The following CEP43 variants were observed in gnomAD, a reference collection of about 807,000 sequenced individuals.
CEP43 encodes centrosomal protein 43, also known as FGFR1 oncogene partner.
A neutral mutation model predicts 52.6 loss-of-function variants in CEP43; 36 were observed. That is an observed-to-expected ratio of 0.68 (90% CI 0.52 to 0.90). CEP43 has a LOEUF of 0.90. Ranked by LOEUF, CEP43 falls within the 40% of genes least tolerant of loss-of-function variation. The probability of loss-of-function intolerance (pLI) is 0.00; values close to 1 mark genes in which losing one functional copy is unlikely to be tolerated. For missense variants in CEP43, 506 were observed against 472.8 expected (o/e 1.07, Z -0.65); for synonymous variants, 192 against 172.4 (o/e 1.11, Z -0.89).
At chr6:167,007,064 A>G (rs1381459581) in intron 5 of CEP43, among the ~76,000 whole-genome samples, 1 of 152,174 alleles carries the variant, frequency 6.6e-6, no homozygotes, top group East Asian at 1.9e-4. Context: ...GTTTCATCCC[A>G]AGGAGCCACC....
intron 12 of CEP43, among the ~76,000 whole-genome samples, chr6:167,038,500 T>G (rs1323242297): frequency 6.6e-6 from 1 of 152,262 alleles, no homozygotes; most frequent in African/African-American, 2.4e-5. Context: ...TAGCAATTCA[T>G]AGAGTGATAC....
chr6:167,040,166 T>C lies in CEP43; in HGVS notation c.*188T>C. 12 of 1,534,486 alleles carry C rather than the reference T, an allele frequency of 7.8e-6. No homozygotes were observed. Among genetic ancestry groups the C allele is most frequent in the African/African-American group, 1.4e-5 (1 of 72,976 alleles). ...ACAAAATACTTCCTATTTGAGCCCA[T>C]GTGTGGAAGATTTAATATTCTTAAT... On this transcript the variant is annotated 3_prime_UTR_variant, in exon 13 of 13. Coordinates refer to ENST00000366847, the MANE Select transcript of CEP43 (RefSeq NM_007045.4).
rs1219044957 is a variant in CEP43 at position 166,999,729 on chromosome 6, G to A, written c.102+215G>A. ...GGTCCCGGAGGGCACCGCGGACTGG[G>A]GGTGCCTGGCCCATCCCCTGCCTCA... On this transcript the variant is annotated intron_variant, in intron 1 of 12. Coordinates refer to ENST00000366847, the MANE Select transcript of CEP43 (RefSeq NM_007045.4). 1.0e-5 allele frequency: 5 copies of A among 488,062 alleles called. No individual in the cohort carries two copies. In the Admixed American group the frequency reaches 2.1e-4, roughly 20 times the overall value. 30.2% of individuals were successfully genotyped at this position (488,062 alleles called of 1,614,324 possible).
rs1780716926 is a variant in CEP43, at chr6:167,042,313, T to C, written c.*2335T>C. On this transcript the variant is annotated 3_prime_UTR_variant, in exon 13 of 13. Coordinates refer to ENST00000366847, the MANE Select transcript of CEP43 (RefSeq NM_007045.4). The stretch of plus-strand genomic sequence containing the variant: ...AAATATTAACCCATTAAATACATTT[T>C]TATGGTAACCTATGTTTTACAGTGG... 1.0e-6 allele frequency: 1 copy of C among 994,862 alleles called. No individual in the cohort carries two copies. Among genetic ancestry groups the C allele is most frequent in the East Asian group, 7.4e-5 (1 of 13,492 alleles). The allele number at this position is 994,862 out of a possible 1,614,324, so 61.6% of individuals were successfully genotyped here.
At chr6:167,037,868 C>G (rs1780614701) in intron 12 of CEP43, among the ~76,000 whole-genome samples, 1 of 152,162 alleles carries the variant, frequency 6.6e-6, no homozygotes, top group Non-Finnish European at 1.5e-5. Context: ...CTCCACCTTG[C>G]CATTGCATGG....
intron 10 of CEP43, among the ~76,000 whole-genome samples, chr6:167,030,810 T>G (rs1278606081): frequency 6.6e-6 from 1 of 152,090 alleles, no homozygotes; most frequent in African/African-American, 2.4e-5. Flanking sequence ...AAAACAGAAG[T>G]GAGGTAGTGC....
At chr6:167,035,585 T>TA (rs1473250644) in intron 12 of CEP43, among the ~76,000 whole-genome samples, 6 of 151,722 alleles carry the variant, frequency 4.0e-5, no homozygotes, top group African/African-American at 1.4e-4. Flanking sequence ...TTTTTTTTTT[T>TA]AGACAGAGTC....
intron 11 of CEP43, 62 bp from the exon 12 acceptor site, chr6:167,033,813 T>C (rs1780524663): frequency 1.4e-6 from 1 of 731,706 alleles, no homozygotes. Flanking sequence ...GTTTAAAGAA[T>C]AGTAATCTCT....
At chr6:167,008,522 C>G (rs1212381216) in intron 5 of CEP43, among the ~76,000 whole-genome samples, 2 of 151,804 alleles carry the variant, frequency 1.3e-5, no homozygotes, top group Non-Finnish European at 2.9e-5. Context: ...TGGAGTGCAG[C>G]GGCAAGATCT....
In CEP43 at chr6:167,010,882, A is replaced by G; in HGVS notation, c.508A>G (p.Thr170Ala). 6.3e-7 allele frequency: 1 copy of G among 1,594,710 alleles called. No individual in the cohort carries two copies. The highest frequency in any genetic ancestry group is 1.7e-5 in the Admixed American group (1 of 57,242). ...SPEGKTSAQT[T>A]PSKIPRYKGQ... ...AGAGGGAAAAACAAGTGCACAGACAACACCAAGTAAGGTGAGTTAGCTGTG... is the reference window on the plus strand; with the variant it reads ...AGAGGGAAAAACAAGTGCACAGACAGCACCAAGTAAGGTGAGTTAGCTGTG... Residue 170 changes from threonine to alanine, a missense_variant, in exon 6 of 13, where the codon ACA (threonine) becomes GCA (alanine). By Grantham distance (58) the Thr-to-Ala change is moderately conservative (BLOSUM62 0). Transcript: ENST00000366847.
Position 167,045,110 on chromosome 6 carries a change from C to CTTTTTTTT in CEP43, c.*5137_*5144dup, listed in dbSNP as rs71032900. The CTTTTTTTT allele has an allele frequency of 7.0e-6, 1 of 142,800 alleles. No homozygotes were observed. The highest frequency in any genetic ancestry group is 1.5e-5 in the Non-Finnish European group (1 of 65,388). The allele number at this position is 142,800 out of a possible 1,614,324, so 8.8% of individuals were successfully genotyped here. On this transcript the variant is annotated 3_prime_UTR_variant, in exon 13 of 13. Coordinates refer to ENST00000366847, the MANE Select transcript of CEP43 (RefSeq NM_007045.4). Reference sequence around the variant, plus strand: ...TTCAGACACTTGTATTTTTTTTTTCCTTTTTTTTTTTTGAGACTGAGTCAC... The same window carrying CTTTTTTTT: ...TTCAGACACTTGTATTTTTTTTTTCCTTTTTTTTTTTTTTTTTTTTGAGACTGAGTCAC...
intron 2 of CEP43, among the ~76,000 whole-genome samples, chr6:167,001,057 G>A (rs1583264417): frequency 6.6e-6 from 1 of 152,164 alleles, no homozygotes; most frequent in Non-Finnish European, 1.5e-5. Context: ...TGTCACCCCT[G>A]CTTCCTTCTC....
chr6:167,041,252 C>A lies in CEP43; in HGVS notation c.*1274C>A, dbSNP rs1230732679. The A allele has an allele frequency of 1.9e-6, 2 of 1,047,956 alleles. No individual in the cohort carries two copies. The highest frequency in any genetic ancestry group is 3.3e-5 in the African/African-American group (2 of 60,002). The allele number at this position is 1,047,956 out of a possible 1,614,324, so 64.9% of individuals were successfully genotyped here. On this transcript the variant is annotated 3_prime_UTR_variant, in exon 13 of 13. Transcript: ENST00000366847. ...AGCCTAAATATTACAGAAATTACTC[C>A]TTGGGCTCTAAAATGTAGAGGAAAT...
intron 6 of CEP43, among the ~76,000 whole-genome samples, chr6:167,011,286 T>TGGGTGA (rs1293946502): frequency 6.6e-6 from 1 of 152,184 alleles, no homozygotes; most frequent in African/African-American, 2.4e-5. Context: ...GACTTCTAGA[T>TGGGTGA]GGGTGATGAG....
Position 167,039,967 on chromosome 6 carries a change from G to C in CEP43, c.1189G>C (p.Asp397His). Reference protein sequence around the residue: ...QLSDVADYLEDVA With the variant: ...QLSDVADYLEHVA The stretch of plus-strand genomic sequence containing the variant: ...CAGTGATGTTGCGGATTATCTGGAA[G>C]ATGTTGCATAGACACGAAGAAGGAA... Residue 397 changes from aspartate to histidine, a missense_variant, in exon 13 of 13, where the codon GAT (aspartate) becomes CAT (histidine). Physicochemically the swap from Asp to His is moderately conservative, Grantham distance 81. Coordinates refer to ENST00000366847, the MANE Select transcript of CEP43 (RefSeq NM_007045.4). The C allele has an allele frequency of 1.2e-6, 2 of 1,613,758 alleles. No homozygotes were observed. Among genetic ancestry groups the C allele is most frequent in the African/African-American group, 2.7e-5 (2 of 74,944 alleles).
rs763132163 is a variant in CEP43, at chr6:167,024,820, C to T, written c.845C>T (p.Ser282Leu). The T allele has an allele frequency of 2.0e-5, 32 of 1,613,246 alleles. No homozygotes were observed. The highest frequency in any genetic ancestry group is 2.6e-5 in the Non-Finnish European group (31 of 1,179,574). The stretch of plus-strand genomic sequence containing the variant: ...AGGAAGCAAGCAGGAAGTCTGGCCT[C>T]GCTCTCGGATGCACCCCCCTTAAAA... ...EPRKQAGSLA[S>L]LSDAPPLKSG... The change falls in exon 9 of 13, where the codon TCG becomes TTG. Residue 282 changes from serine to leucine, a missense_variant. By Grantham distance (145) the Ser-to-Leu change is moderately radical. Coordinates refer to ENST00000366847, the MANE Select transcript of CEP43 (RefSeq NM_007045.4).
rs1204998623 is a variant in CEP43 at position 167,013,571 on chromosome 6, A to G, written c.579+4A>G. 2 of 1,613,292 alleles carry G rather than the reference A, an allele frequency of 1.2e-6. No individual in the cohort carries two copies. Among genetic ancestry groups the G allele is most frequent in the African/African-American group, 2.7e-5 (2 of 74,920 alleles). On this transcript the variant is annotated splice_donor_region_variant and intron_variant, in intron 7 of 12. Transcript: ENST00000366847. ...CGGGCAGAAGGCTGGTGACAAGGTA[A>G]CATGCATGAGGGCAGAGGAGAAAAG...
At position 167,004,355 on chromosome 6, in the gene CEP43, T is replaced by C. The variant is rs1246707244; in HGVS notation, c.392T>C (p.Val131Ala). 5 of 1,609,806 alleles carry C rather than the reference T, an allele frequency of 3.1e-6. No homozygotes were observed. Among genetic ancestry groups the C allele is most frequent in the Non-Finnish European group, 4.2e-6 (5 of 1,177,868 alleles). The change falls in exon 5 of 13, where the codon GTG becomes GCG. Residue 131 changes from valine (V) to alanine (A), a missense_variant. Transcript: ENST00000366847. ...GTGGGTGGACCCTTATTATTAGAAG[T>C]GATCAGGCGCTGTCAACAGAAAGAA... ...GTVGGPLLLE[V>A]IRRCQQKEKG... is the part of the protein sequence containing the mutation.
In CEP43 at chr6:167,042,234, T is replaced by C. The variant is rs1291276958; in HGVS notation, c.*2256T>C. 9.9e-7 allele frequency: 1 copy of C among 1,006,784 alleles called. No individual in the cohort carries two copies. The allele number at this position is 1,006,784 out of a possible 1,614,324, so 62.4% of individuals were successfully genotyped here. On this transcript the variant is annotated 3_prime_UTR_variant, in exon 13 of 13. Transcript: ENST00000366847. ...TATCAACTTATGAAACTTGAAGATG[T>C]GAAGTGACAGGTTTTGCATGTGATG...
Sources: gnomAD v4.1 joint callset for allele counts (sites outside exome capture counted in the v4.1 genomes callset) on GRCh38, gnomAD v4.1.1 for gene constraint, MANE v1.5 for transcripts, NCBI Gene and HGNC (gene_info 2026-07-23, HGNC 2026-07-21) for gene names.